Variants in ADA2 observed in about 807,000 individuals in gnomAD.
ADA2 encodes the protein adenosine deaminase 2.
ADA2 carries 29 observed loss-of-function variants against 44.2 expected under a neutral mutation model. That is an observed-to-expected ratio of 0.66 (90% CI 0.49 to 0.89). The LOEUF (loss-of-function observed/expected upper bound fraction) is 0.89, where lower values mean the gene tolerates loss of function less well. ADA2 is among the 40% of genes least tolerant of loss of function. ADA2 has a pLI of 0.00. For synonymous variants in ADA2, 215 were observed against 234.9 expected (o/e 0.92, Z 0.77); for missense variants, 637 against 644.8 (o/e 0.99, Z 0.13).
chr22:17,197,103 G>A (rs2062201136), intron 4 of ADA2, among the ~76,000 whole-genome samples: 1 of 152,156 alleles, frequency 6.6e-6, no homozygotes, highest in Non-Finnish European at 1.5e-5. Flanking sequence ...AACCCAGGAG[G>A]CAGAGGTTGC....
At chr22:17,198,504 G>C (rs980633042) in intron 4 of ADA2, 8 of 152,340 alleles carry the variant, frequency 5.3e-5, no homozygotes, top group African/African-American at 1.9e-4. Flanking sequence ...TCAGCAAGGA[G>C]CCAAATGGAA....
intron 1 of ADA2, chr22:17,213,483 C>G (rs2123726116): frequency 4.4e-6 from 1 of 227,722 alleles, no homozygotes; most frequent in African/African-American, 2.4e-5. Context: ...CGTGGCAAGT[C>G]CATCTACCGA....
upstream of ADA2, among the ~76,000 whole-genome samples, chr22:17,220,916 G>A (rs2062518228): frequency 6.6e-6 from 1 of 152,190 alleles, no homozygotes; most frequent in Admixed American, 6.6e-5. Flanking sequence ...GTGCATGCCT[G>A]TAATCCCAGC....
At chr22:17,201,355 T>A (rs908117718) in intron 4 of ADA2, among the ~76,000 whole-genome samples, 18 of 152,250 alleles carry the variant, frequency 1.2e-4, no homozygotes, top group African/African-American at 4.3e-4. Context: ...TCCTGCGGAG[T>A]CCTATCACTT....
chr22:17,188,868 A>AAAAAAAAAAAAAAAAAAAAAATAT lies in ADA2; in HGVS notation c.973-422_973-421insATATTTTTTTTTTTTTTTTTTTTT. ...CACTACAGCCTGGCCAAGAGCAAAA[A>AAAAAAAAAAAAAAAAAAAAAATAT]ATATATATATATATATATTTTGTAA... On this transcript the variant is annotated intron_variant, in intron 6 of 9. Coordinates refer to ENST00000399837, the MANE Select transcript of ADA2 (RefSeq NM_001282225.2). 8.6e-5 allele frequency: 7 copies of AAAAAAAAAAAAAAAAAAAAAATAT among 81,178 alleles called. 1 individual carries two copies. Among genetic ancestry groups the AAAAAAAAAAAAAAAAAAAAAATAT allele is most frequent in the African/African-American group, 2.1e-4 (5 of 23,804 alleles). 5.0% of individuals were successfully genotyped at this position (81,178 alleles called of 1,614,324 possible).
intron 4 of ADA2, among the ~76,000 whole-genome samples, chr22:17,194,920 G>C (rs1055104137): frequency 6.6e-6 from 1 of 151,920 alleles, no homozygotes; most frequent in Non-Finnish European, 1.5e-5. Context: ...ATTTCCCTTT[G>C]TGAAGGTGTC....
At chr22:17,206,252 T>G (rs941872440) in intron 3 of ADA2, among the ~76,000 whole-genome samples, 5 of 151,668 alleles carry the variant, frequency 3.3e-5, no homozygotes, top group Non-Finnish European at 5.9e-5. Flanking sequence ...AGGTCAGGAG[T>G]TCAAGACCAG....
rs112488237 is a variant in ADA2, at chr22:17,188,703, C to A, written c.973-256G>T. ...GACCATCCTGGCTAACACAGTGAAA[C>A]CCCATCTCTACTAAAAATACAAAAA... On this transcript the variant is annotated intron_variant, in intron 6 of 9. Coordinates refer to ENST00000399837, the MANE Select transcript of ADA2 (RefSeq NM_001282225.2). 459 of 250,794 alleles carry A rather than the reference C, an allele frequency of 1.8e-3. 10 individuals carry two copies. Among genetic ancestry groups the A allele is most frequent in the African/African-American group, 0.01 (444 of 44,082 alleles). The allele number at this position is 250,794 out of a possible 1,614,324, so 15.5% of individuals were successfully genotyped here. A position where few individuals can be genotyped will look rare whatever the true frequency, so the allele number is the denominator to read the frequency against.
intron 3 of ADA2, among the ~76,000 whole-genome samples, chr22:17,204,110 T>G (rs1221361015): frequency 6.6e-6 from 1 of 151,994 alleles, no homozygotes; most frequent in African/African-American, 2.4e-5. Flanking sequence ...CAAAAAGCTC[T>G]CTCTCTCTCT....
At chr22:17,200,647 C>T (rs144230735) in intron 4 of ADA2, among the ~76,000 whole-genome samples, 96 of 152,076 alleles carry the variant, frequency 6.3e-4, no homozygotes, top group African/African-American at 2.2e-3. Context: ...TTTGGGAGGC[C>T]GAGGTGGGTG....
intron 1 of ADA2, among the ~76,000 whole-genome samples, chr22:17,214,378 T>C (rs60128558): frequency 1.1e-3 from 169 of 152,358 alleles, no homozygotes; most frequent in African/African-American, 3.8e-3. Flanking sequence ...ATATAGAAGA[T>C]ACACCCTTTT....
At chr22:17,182,049 G>C in intron 8 of ADA2, 27 bp from the exon 9 acceptor site, 1 of 1,557,862 alleles carries the variant, frequency 6.4e-7, no homozygotes, top group Non-Finnish European at 8.8e-7. Flanking sequence ...AAGGGAGAAA[G>C]ATGAACTCTG....
Position 17,209,558 on chromosome 22 carries a change from T to G in ADA2, c.120A>C (p.Lys40Asn). ...GCCCCCCCAGCCGCATCATCTTTTC[T>G]TTCAACAACAGATGCGCCCGTGTTT... ...IDETRAHLLLKEKMMRLGGRL... is the reference protein window; with the variant it reads ...IDETRAHLLLNEKMMRLGGRL... Residue 40 changes from lysine (K) to asparagine (N), a missense_variant, in exon 2 of 10, where the codon AAA becomes AAC. By Grantham distance (94) the Lys-to-Asn change is moderately conservative. Transcript: ENST00000399837. 6.2e-7 allele frequency: 1 copy of G among 1,614,104 alleles called. No individual in the cohort carries two copies. Among genetic ancestry groups the G allele is most frequent in the South Asian group, 1.1e-5 (1 of 91,076 alleles).
At position 17,191,821 on chromosome 22, in the gene ADA2, A is replaced by T; in HGVS notation, c.754-11T>A. On this transcript the variant is annotated splice_polypyrimidine_tract_variant and intron_variant, in intron 4 of 9. Transcript: ENST00000399837. ...ACTGAGCTCATACACCTGGGAAGAA[A>T]GCACAACCAGGAGCCGTCAGGTGAG... 6.2e-7 allele frequency: 1 copy of T among 1,609,684 alleles called. No individual in the cohort carries two copies. Among genetic ancestry groups the T allele is most frequent in the East Asian group, 2.2e-5 (1 of 44,796 alleles).
At position 17,203,599 on chromosome 22, in the gene ADA2, G is replaced by A. The variant is rs142247490; in HGVS notation, c.717C>T (p.Asn239=). The part of the protein sequence containing the change: ...FRSMQEFYED[N]VLYMEIRARL... Reference sequence around the variant, plus strand: ...TGGCTCTGATCTCCATGTAGAGCACGTTGTCCTCGTAGAACTCCTGCATGC... The same window carrying A: ...TGGCTCTGATCTCCATGTAGAGCACATTGTCCTCGTAGAACTCCTGCATGC... Residue 239 remains asparagine (N), a synonymous_variant, in exon 4 of 10, where the codon AAC becomes AAT. Transcript: ENST00000399837. The A allele has an allele frequency of 3.1e-5, 50 of 1,613,194 alleles. No homozygotes were observed. The highest frequency in any genetic ancestry group is 2.9e-4 in the South Asian group (26 of 91,030).
In ADA2 at chr22:17,182,760, G is replaced by C; in HGVS notation, c.1083C>G (p.Asp361Glu). The change falls in exon 8 of 10, where the codon GAC becomes GAG. Residue 361 changes from aspartate to glutamate, a missense_variant and splice_region_variant. Transcript: ENST00000399837. The stretch of plus-strand genomic sequence containing the variant: ...TCCTGTCTATGGAAGTACCCTGCCA[G>C]TCTGAACACACGGGAATGGTCTTCC... ...LPYFFHAGET[D>E]WQGTSIDRNI... 3 of 1,613,262 alleles carry C rather than the reference G, an allele frequency of 1.9e-6. No homozygotes were observed. Among genetic ancestry groups the C allele is most frequent in the Non-Finnish European group, 2.5e-6 (3 of 1,180,008 alleles).
At chr22:17,219,661 G>GATTTTTTTTTTTTTTTTTTT (rs1178590006), upstream of ADA2, 2 of 125,660 alleles carry the variant, frequency 1.6e-5, 1 homozygote. Flanking sequence ...TGCATGTGGG[G>GATTTTTTTTTTTTTTTTTTT]TTTGTTTTTT....
chr22:17,221,467 G>C (rs2062523084), upstream of ADA2, among the ~76,000 whole-genome samples: 1 of 151,972 alleles, frequency 6.6e-6, no homozygotes, highest in Non-Finnish European at 1.5e-5. Context: ...GCCCTGGTGT[G>C]TGATGTTCCC....
At chr22:17,207,868 C>T (rs962155462) in intron 2 of ADA2, among the ~76,000 whole-genome samples, 2 of 152,256 alleles carry the variant, frequency 1.3e-5, no homozygotes, top group African/African-American at 4.8e-5. Context: ...TCATCCCCTG[C>T]GCTGGGCCTG....
Sources: allele counts gnomAD v4.1 joint callset (sites outside exome capture counted in the v4.1 genomes callset), GRCh38; gene constraint gnomAD v4.1.1; transcripts MANE v1.5; gene names NCBI Gene and HGNC (gene_info 2026-07-23, HGNC 2026-07-21).